Variants in CSMD3 observed in about 807,000 individuals in gnomAD.
CSMD3 encodes CUB and sushi domain-containing protein 3.
Under a neutral mutation model 435.2 loss-of-function variants are expected in CSMD3, and 177 were observed. That is an observed-to-expected ratio of 0.41 (90% CI 0.36 to 0.46). CSMD3 has a LOEUF of 0.46. Ranked by LOEUF, CSMD3 falls within the 20% of genes least tolerant of loss-of-function variation. CSMD3 has a pLI of 0.34. For synonymous variants in CSMD3, 1,656 were observed against 1,520.5 expected (o/e 1.09, Z -2.07); for missense variants, 4,265 against 4,504.6 (o/e 0.95, Z 1.52).
At chr8:113,410,900 T>TGAAAGAAA (rs60929996) in intron 1 of CSMD3, among the ~76,000 whole-genome samples, 10,039 of 105,344 alleles carry the variant, frequency 0.095, 591 homozygotes, top group African/African-American at 0.12. Context: ...CAAAACCCTG[T>TGAAAGAAA]GAAAGAAAGA....
chr8:112,383,500 G>T (rs781543063), intron 37 of CSMD3, 67 bp downstream of exon 37: 83 of 867,370 alleles, frequency 9.6e-5, no homozygotes, highest in Middle Eastern at 2.4e-4. Flanking sequence ...GTTGTAGATA[G>T]CTCTTTAATT....
chr8:112,991,881 T>C (rs1423223688), intron 6 of CSMD3, among the ~76,000 whole-genome samples: 4 of 151,828 alleles, frequency 2.6e-5, no homozygotes, highest in Non-Finnish European at 5.9e-5. Context: ...TTACAATCAT[T>C]TTTCACACCA....
At chr8:113,117,436 G>A (rs1431440028) in intron 4 of CSMD3, among the ~76,000 whole-genome samples, 1 of 152,212 alleles carries the variant, frequency 6.6e-6, no homozygotes, top group Non-Finnish European at 1.5e-5. Context: ...GCAACACCTG[G>A]ATGTCCAGGC....
intron 16 of CSMD3, among the ~76,000 whole-genome samples, chr8:112,667,354 G>A (rs1379987902): frequency 2.6e-5 from 4 of 152,024 alleles, no homozygotes; most frequent in African/African-American, 4.8e-5. Flanking sequence ...GTTTTCATAC[G>A]TATATTATTT....
chr8:113,128,171 C>T (rs1588123599), intron 4 of CSMD3, among the ~76,000 whole-genome samples: 1 of 151,946 alleles, frequency 6.6e-6, no homozygotes, highest in African/African-American at 2.4e-5. Flanking sequence ...TGTTCTGCCC[C>T]ATGAAGGTGG....
chr8:112,416,630 G>C (rs1319684), intron 32 of CSMD3, among the ~76,000 whole-genome samples: 113,520 of 152,112 alleles, frequency 0.75, 42,728 homozygotes, highest in African/African-American at 0.82. Flanking sequence ...TAATTAACTT[G>C]AAACGAGGAT....
chr8:113,023,155 T>C (rs1352701738), intron 5 of CSMD3, among the ~76,000 whole-genome samples: 1 of 152,078 alleles, frequency 6.6e-6, no homozygotes, highest in Non-Finnish European at 1.5e-5. Flanking sequence ...ATTTCAGCCA[T>C]ATCTGGTTTT....
intron 27 of CSMD3, among the ~76,000 whole-genome samples, chr8:112,543,859 G>T (rs1382643796): frequency 6.6e-6 from 1 of 152,052 alleles, no homozygotes; most frequent in Non-Finnish European, 1.5e-5. Context: ...AAGAAAATAT[G>T]GGAAAGACAC....
chr8:113,320,277 T>C (rs1312576099), intron 1 of CSMD3, among the ~76,000 whole-genome samples: 2 of 152,116 alleles, frequency 1.3e-5, no homozygotes, highest in Non-Finnish European at 2.9e-5. Flanking sequence ...TCTTTTAATG[T>C]GCACTTAAAA....
intron 8 of CSMD3, among the ~76,000 whole-genome samples, chr8:112,949,641 C>T (rs1281913371): frequency 6.6e-6 from 1 of 152,034 alleles, no homozygotes; most frequent in East Asian, 1.9e-4. Context: ...AACCTAATCA[C>T]TTTGATGCTT....
chr8:113,098,648 A>C, intron 5 of CSMD3, 108 bp downstream of exon 5: 1 of 767,450 alleles, frequency 1.3e-6, no homozygotes, highest in Non-Finnish European at 2.2e-6. Context: ...ACTTTCCTGT[A>C]AGATCTTTTA....
intron 13 of CSMD3, among the ~76,000 whole-genome samples, chr8:112,737,074 T>G (rs2077201746): frequency 6.6e-6 from 1 of 151,920 alleles, no homozygotes; most frequent in Non-Finnish European, 1.5e-5. Flanking sequence ...GAAAGAAATC[T>G]GAGAGAGACA....
chr8:112,349,200 A>G (rs62514417), intron 40 of CSMD3, among the ~76,000 whole-genome samples: 8 of 152,016 alleles, frequency 5.3e-5, no homozygotes, highest in African/African-American at 1.9e-4. Flanking sequence ...TGAGAAATAA[A>G]CTTTTAACGA....
chr8:112,296,302 C>T (rs1323992961), intron 53 of CSMD3, among the ~76,000 whole-genome samples: 2 of 152,060 alleles, frequency 1.3e-5, no homozygotes, highest in East Asian at 1.9e-4. Flanking sequence ...CCTGTAATCC[C>T]AGCACTTTGG....
intron 11 of CSMD3, among the ~76,000 whole-genome samples, chr8:112,847,126 G>A (rs1277837853): frequency 1.3e-5 from 2 of 152,062 alleles, no homozygotes; most frequent in African/African-American, 4.8e-5. Flanking sequence ...CTGTACTGCT[G>A]CCTCAGGTTT....
chr8:112,247,683 G>A (rs1814873913), intron 63 of CSMD3, among the ~76,000 whole-genome samples: 1 of 152,034 alleles, frequency 6.6e-6, no homozygotes, highest in African/African-American at 2.4e-5. Context: ...AGAATATCTA[G>A]GACAATGGCT....
At chr8:112,925,114 C>A (rs190343354) in intron 9 of CSMD3, among the ~76,000 whole-genome samples, 2 of 152,190 alleles carry the variant, frequency 1.3e-5, no homozygotes, top group Admixed American at 1.3e-4. Flanking sequence ...CATCCCATAT[C>A]TCCCTAACAT....
intron 18 of CSMD3, among the ~76,000 whole-genome samples, chr8:112,655,466 G>A (rs1406683826): frequency 1.3e-5 from 2 of 151,802 alleles, no homozygotes; most frequent in Admixed American, 6.6e-5. Flanking sequence ...AGCCACACAT[G>A]TGCAAGATGT....
intron 47 of CSMD3, among the ~76,000 whole-genome samples, chr8:112,316,341 G>T (rs917179341): frequency 2.6e-5 from 4 of 151,304 alleles, no homozygotes; most frequent in Non-Finnish European, 5.9e-5. Context: ...CCTAAAAAGA[G>T]AACTCTGACA....
Sources: allele counts gnomAD v4.1 joint callset (sites outside exome capture counted in the v4.1 genomes callset), GRCh38; gene constraint gnomAD v4.1.1; transcripts MANE v1.5; gene names NCBI Gene and HGNC (gene_info 2026-07-23, HGNC 2026-07-21).